Variants in ZGRF1 observed in about 807,000 individuals in gnomAD.
ZGRF1 encodes the protein 5'-3' DNA helicase ZGRF1.
ZGRF1 carries 196 observed loss-of-function variants against 203.5 expected under a neutral mutation model. That is an observed-to-expected ratio of 0.96 (90% CI 0.86 to 1.08). The LOEUF (loss-of-function observed/expected upper bound fraction) is 1.08. Among genes scored for constraint, ZGRF1 ranks in the 50% least tolerant of loss-of-function variants. The pLI is 0.00. For missense variants in ZGRF1, 2,326 were observed against 2,416.3 expected (o/e 0.96, Z 0.78); for synonymous variants, 809 against 841.3 (o/e 0.96, Z 0.66).
At chr4:112,585,206 G>A (rs745480410) in intron 14 of ZGRF1, among the ~76,000 whole-genome samples, 1 of 152,020 alleles carries the variant, frequency 6.6e-6, no homozygotes, top group Non-Finnish European at 1.5e-5. Context: ...GAAGTTCAAG[G>A]CTGCAGTGAG....
chr4:112,605,145 A>G (rs1217775327), intron 9 of ZGRF1, among the ~76,000 whole-genome samples: 2 of 151,478 alleles, frequency 1.3e-5, no homozygotes, highest in East Asian at 3.9e-4. Flanking sequence ...CCACAAGGAA[A>G]CAGGTACATT....
At position 112,607,269 on chromosome 4, in the gene ZGRF1, A is replaced by C. The variant is rs767574128; in HGVS notation, c.2719-1178T>G. 3.8e-4 allele frequency among the ~76,000 whole-genome samples: 58 copies of C among 152,122 alleles called. 1 individual carries two copies. The highest frequency in any genetic ancestry group is 2.9e-5 in the Non-Finnish European group (2 of 68,022). On this transcript the variant is annotated intron_variant, in intron 8 of 27. Coordinates refer to ENST00000505019, the MANE Select transcript of ZGRF1 (RefSeq NM_018392.5). ...CTCTTGAGTAACTGGGACTACAAGC[A>C]TGTGCCACCATGCCACCTAATTATT... is the stretch of plus-strand genomic sequence containing the variant.
chr4:112,558,077 G>T, intron 20 of ZGRF1, 73 bp downstream of exon 20: 1 of 1,221,288 alleles, frequency 8.2e-7, no homozygotes, highest in South Asian at 1.4e-5. Flanking sequence ...TGGACACTCA[G>T]GGCCCATAGT....
In ZGRF1 at chr4:112,577,926, G is replaced by A. The variant is rs1359288857; in HGVS notation, c.4438+3737C>T. ...AATTGAACTCAGCTCTGCACAAAGC[G>A]GACCTAATAGATATCTACACAACTC... On this transcript the variant is annotated intron_variant, in intron 16 of 27. Transcript: ENST00000505019. Among the ~76,000 whole-genome samples the A allele has an allele frequency of 4.9e-5, 6 of 121,486 alleles. 3 individuals carry two copies. Among genetic ancestry groups the A allele is most frequent in the African/African-American group, 1.1e-4 (4 of 34,936 alleles). 79.7% of individuals were successfully genotyped at this position (121,486 alleles called of 152,430 possible). A position where few individuals can be genotyped will look rare whatever the true frequency, so the allele number is the denominator to read the frequency against.
intron 13 of ZGRF1, 144 bp from the exon 14 acceptor site, chr4:112,585,869 G>C (rs1747093733): frequency 2.2e-6 from 1 of 448,538 alleles, no homozygotes; most frequent in Non-Finnish European, 3.7e-6. Flanking sequence ...GTTATTTTCT[G>C]CTAAATTTAA....
At chr4:112,550,205 CA>C (rs1022666914) in intron 22 of ZGRF1, among the ~76,000 whole-genome samples, 13 of 149,540 alleles carry the variant, frequency 8.7e-5, no homozygotes, top group Admixed American at 8.0e-4. Context: ...AAAAAAACAA[CA>C]AAAAAAACTT....
intron 11 of ZGRF1, among the ~76,000 whole-genome samples, chr4:112,588,733 C>T (rs1747656285): frequency 1.3e-5 from 2 of 152,106 alleles, no homozygotes; most frequent in African/African-American, 4.8e-5. Flanking sequence ...AATGTGCCTT[C>T]CTGACAGAGT....
chr4:112,589,128 A>C (rs1022556383), intron 11 of ZGRF1, among the ~76,000 whole-genome samples: 1 of 152,292 alleles, frequency 6.6e-6, no homozygotes, highest in Middle Eastern at 3.4e-3. Flanking sequence ...ATAAATTCAG[A>C]ATCAGGGGAA....
At chr4:112,592,520 A>G (rs1161888741) in intron 10 of ZGRF1, among the ~76,000 whole-genome samples, 2 of 152,188 alleles carry the variant, frequency 1.3e-5, no homozygotes, top group East Asian at 3.8e-4. Flanking sequence ...TCCTCATTTT[A>G]TTGGATGTCT....
At chr4:112,590,084 T>C (rs1361710038) in intron 10 of ZGRF1, among the ~76,000 whole-genome samples, 1 of 152,164 alleles carries the variant, frequency 6.6e-6, no homozygotes, top group Non-Finnish European at 1.5e-5. Flanking sequence ...ATACAGAGCA[T>C]AAAATCTTTC....
rs116675689 is a variant in ZGRF1 at position 112,571,782 on chromosome 4, G to A, written c.4439-8508C>T. ...AGTTTTTCATGAAACTTGATAAGAT[G>A]ATTCTAAAATATATATGAAAGAGTA... On this transcript the variant is annotated intron_variant, in intron 16 of 27. Coordinates refer to ENST00000505019, the MANE Select transcript of ZGRF1 (RefSeq NM_018392.5). Among the ~76,000 whole-genome samples the A allele has an allele frequency of 9.5e-3, 1,439 of 152,226 alleles. 25 individuals carry two copies. Among genetic ancestry groups the A allele is most frequent in the African/African-American group, 0.033 (1,358 of 41,520 alleles).
rs1578342153 is a variant in ZGRF1 at position 112,579,045 on chromosome 4, C to T, written c.4438+2618G>A. ...CAATAAAATACTGGCAAACTGAATC[C>T]AGCAGCACATCATAAAGCTTATCCA... On this transcript the variant is annotated intron_variant, in intron 16 of 27. Transcript: ENST00000505019. Among the ~76,000 whole-genome samples, 5 of 123,006 alleles carry T rather than the reference C, an allele frequency of 4.1e-5. 1 individual carries two copies. The highest frequency in any genetic ancestry group is 1.4e-4 in the African/African-American group (5 of 35,460). 80.7% of individuals were successfully genotyped at this position (123,006 alleles called of 152,430 possible).
rs1294302183 is a variant in ZGRF1 at position 112,617,957 on chromosome 4, T to C, written c.2085A>G (p.Gln695=). 6.2e-7 allele frequency: 1 copy of C among 1,613,294 alleles called. No homozygotes were observed. Among genetic ancestry groups the C allele is most frequent in the Non-Finnish European group, 8.5e-7 (1 of 1,179,928 alleles). Residue 695 remains glutamine, a synonymous_variant, in exon 6 of 28, where the codon CAA becomes CAG. Coordinates refer to ENST00000505019, the MANE Select transcript of ZGRF1 (RefSeq NM_018392.5). ...INMNLHIPHI[Q]NQIAENSNLF... ...GATTACTGTTTTCAGCAATCTGGTT[T>C]TGAATATGAGGAATATGTAAATTCA...
intron 4 of ZGRF1, among the ~76,000 whole-genome samples, chr4:112,622,393 G>A (rs1275608573): frequency 8.6e-5 from 13 of 151,822 alleles, no homozygotes; most frequent in South Asian, 4.2e-4. Flanking sequence ...GGTGGCGCAC[G>A]CCTGTAATCT....
Position 112,554,700 on chromosome 4 carries a change from CT to C in ZGRF1, c.5198+4del. 6.8e-7 allele frequency: 1 copy of C among 1,470,778 alleles called. No individual in the cohort carries two copies. The highest frequency in any genetic ancestry group is 9.3e-7 in the Non-Finnish European group (1 of 1,074,096). 91.1% of individuals were successfully genotyped at this position (1,470,778 alleles called of 1,614,324 possible). ...TCTGTGACTTCTGGAATTTTGCATT[CT>C]TACCTATAAGGTAAAATTGGTTTGG... On this transcript the variant is annotated splice_donor_region_variant and intron_variant, in intron 21 of 27. Coordinates refer to ENST00000505019, the MANE Select transcript of ZGRF1 (RefSeq NM_018392.5).
chr4:112,602,662 A>G (rs1424614906), intron 10 of ZGRF1, among the ~76,000 whole-genome samples: 1 of 152,230 alleles, frequency 6.6e-6, no homozygotes. Flanking sequence ...TGAAGAATGG[A>G]TAAATTGGGA....
Position 112,540,918 on chromosome 4 carries a change from G to T in ZGRF1, c.5813C>A (p.Ala1938Asp). 6.3e-7 allele frequency: 1 copy of T among 1,578,450 alleles called. No homozygotes were observed. Among genetic ancestry groups the T allele is most frequent in the Admixed American group, 1.8e-5 (1 of 54,734 alleles). Residue 1938 changes from alanine (A) to aspartate (D), a missense_variant, in exon 26 of 28, where the codon GCT (alanine) becomes GAT (aspartate). Physicochemically the swap from Ala to Asp is moderately radical, Grantham distance 126. Coordinates refer to ENST00000505019, the MANE Select transcript of ZGRF1 (RefSeq NM_018392.5). ...TTGAATCAGCTTGAGTGTAAACGTA[G>T]CTTCTGCCACATTATGAAAGCTGTT... ...RDNSFHNVAEATFTLKLIQSL... is the reference protein window; with the variant it reads ...RDNSFHNVAEDTFTLKLIQSL...
intron 10 of ZGRF1, among the ~76,000 whole-genome samples, chr4:112,600,259 C>A (rs1292979255): frequency 6.6e-6 from 1 of 152,088 alleles, no homozygotes; most frequent in African/African-American, 2.4e-5. Context: ...GTCTTGAATT[C>A]CTTGCCTTAA....
chr4:112,567,489 C>T (rs1743344043), intron 16 of ZGRF1, among the ~76,000 whole-genome samples: 1 of 152,152 alleles, frequency 6.6e-6, no homozygotes, highest in Non-Finnish European at 1.5e-5. Flanking sequence ...AAAATAATGA[C>T]AGCCGAGTGC....
Sources: gnomAD v4.1 joint callset for allele counts (sites outside exome capture counted in the v4.1 genomes callset) on GRCh38, gnomAD v4.1.1 for gene constraint, MANE v1.5 for transcripts, NCBI Gene and HGNC (gene_info 2026-07-23, HGNC 2026-07-21) for gene names.